XRN1: variants seen among roughly 807,000 people sequenced by gnomAD.
XRN1 encodes the protein 5'-3' exoribonuclease 1.
XRN1 carries 67 observed loss-of-function variants against 222.3 expected under a neutral mutation model. The ratio of observed to expected loss-of-function variants is 0.30; its 90% CI spans 0.25 to 0.37. The LOEUF is 0.37. Ranked by LOEUF, XRN1 falls within the 10% of genes least tolerant of loss-of-function variation. The pLI is 1.00. For missense variants in XRN1, 1,707 were observed against 2,000.2 expected (o/e 0.85, Z 2.80); for synonymous variants, 643 against 652.4 (o/e 0.99, Z 0.22).
At chr3:142,377,170 A>G (rs1028701193) in intron 23 of XRN1, among the ~76,000 whole-genome samples, 5 of 152,022 alleles carry the variant, frequency 3.3e-5, no homozygotes, top group African/African-American at 1.2e-4. Flanking sequence ...ACAGTCAATG[A>G]AATGTAACCT....
At chr3:142,319,786 TCA>T (rs568758953) in intron 37 of XRN1, among the ~76,000 whole-genome samples, 71 of 152,296 alleles carry the variant, frequency 4.7e-4, no homozygotes, top group Admixed American at 2.4e-3. Context: ...CTGAATTATT[TCA>T]CTTAGGATAA....
intron 12 of XRN1, among the ~76,000 whole-genome samples, chr3:142,417,568 C>T (rs1000469134): frequency 2.0e-4 from 31 of 152,038 alleles, no homozygotes; most frequent in Non-Finnish European, 2.9e-4. Flanking sequence ...GGGGGTGAGA[C>T]GGGAGAAAGG....
intron 27 of XRN1, among the ~76,000 whole-genome samples, chr3:142,369,518 G>C (rs566957436): frequency 6.6e-6 from 1 of 151,602 alleles, no homozygotes; most frequent in Non-Finnish European, 1.5e-5. Context: ...CGAGGTGGCA[G>C]GTACCTGTAA....
chr3:142,424,292 A>G (rs777528471), intron 5 of XRN1, among the ~76,000 whole-genome samples: 15 of 151,978 alleles, frequency 9.9e-5, no homozygotes, highest in Non-Finnish European at 2.2e-4. Context: ...GATGGGGTTT[A>G]GCCATGTTGG....
intron 37 of XRN1, among the ~76,000 whole-genome samples, chr3:142,328,777 G>C (rs1185231934): frequency 9.6e-6 from 1 of 104,132 alleles, no homozygotes; most frequent in Non-Finnish European, 1.9e-5. Context: ...ATATGTTTCA[G>C]AGACAAGGTC....
chr3:142,417,274 G>A (rs1313177750), intron 12 of XRN1, 45 bp from the exon 13 acceptor site: 3 of 1,563,908 alleles, frequency 1.9e-6, no homozygotes, highest in Non-Finnish European at 2.6e-6. Context: ...CTGAAGACAG[G>A]CCCGTGTCTT....
In XRN1 at chr3:142,375,023, C is replaced by T. The variant is rs551343781; in HGVS notation, c.2978+775G>A. 1.5e-4 allele frequency among the ~76,000 whole-genome samples: 23 copies of T among 152,200 alleles called. No homozygotes were observed. In the South Asian group the frequency reaches 4.8e-3, roughly 32 times the overall value. On this transcript the variant is annotated intron_variant, in intron 25 of 40. Transcript: ENST00000392981. ...AGGATTGCAGGGATGCATTTACAAG[C>T]CAAAGAACATATAAGGCTATGAGAA...
At chr3:142,403,001 CT>C (rs1447211660) in intron 18 of XRN1, among the ~76,000 whole-genome samples, 2 of 152,122 alleles carry the variant, frequency 1.3e-5, no homozygotes, top group Non-Finnish European at 2.9e-5. Flanking sequence ...TTTGATTTCT[CT>C]TTTGTGCAAT....
chr3:142,426,798 T>C lies in XRN1; in HGVS notation c.352A>G (p.Lys118Glu). Residue 118 changes from lysine to glutamate, a missense_variant, in exon 3 of 41, where the codon AAG becomes GAG. This residue lies in a region of XRN1 where 1,234 missense variants were observed against 1,518.2 expected (regional missense o/e 0.81). Coordinates refer to ENST00000392981, the MANE Select transcript of XRN1 (RefSeq NM_001282857.2). ...GCCTCTGTAGGAAGAGTTTCTCCCTTCTCTATTGCCTTTTTAATTTTGTCT... is the reference window on the plus strand; with the variant it reads ...GCCTCTGTAGGAAGAGTTTCTCCCTCCTCTATTGCCTTTTTAATTTTGTCT... The part of the protein sequence containing the change: ...AEDKIKKAIE[K>E]GETLPTEARF... The C allele has an allele frequency of 6.2e-7, 1 of 1,613,846 alleles. No homozygotes were observed. The highest frequency in any genetic ancestry group is 8.5e-7 in the Non-Finnish European group (1 of 1,179,956).
Position 142,417,230 on chromosome 3 carries a change from C to G in XRN1, c.1347-1G>C, listed in dbSNP as rs1163845820. The G allele has an allele frequency of 6.2e-7, 1 of 1,612,424 alleles. No homozygotes were observed. The highest frequency in any genetic ancestry group is 8.5e-7 in the Non-Finnish European group (1 of 1,179,198). ...TGCAGCTTGATCAGCCAGAAAGTCA[C>G]TGAAAATAGAATATTTTCATTATAA... On this transcript the variant is annotated splice_acceptor_variant, in intron 12 of 40. Transcript: ENST00000392981. LOFTEE classifies it high-confidence loss of function.
At chr3:142,423,735 AGAAT>A in intron 5 of XRN1, 93 bp from the exon 6 acceptor site, 1 of 927,628 alleles carries the variant, frequency 1.1e-6, no homozygotes, top group Non-Finnish European at 1.5e-6. Context: ...TATACAAGGA[AGAAT>A]AAGAAACAAT....
At chr3:142,313,400 T>C (rs1038205909) in intron 39 of XRN1, among the ~76,000 whole-genome samples, 1 of 152,178 alleles carries the variant, frequency 6.6e-6, no homozygotes, top group Non-Finnish European at 1.5e-5. Context: ...TCAGACCTAG[T>C]AAGCCAGACT....
chr3:142,342,604 G>A (rs73238148), intron 33 of XRN1, among the ~76,000 whole-genome samples: 19,872 of 151,920 alleles, frequency 0.13, 1,322 homozygotes, highest in African/African-American at 0.14. Context: ...CACACAGACC[G>A]GTGGAACAGA....
At chr3:142,431,912 A>AC (rs1491093935) in intron 2 of XRN1, among the ~76,000 whole-genome samples, 1 of 41,406 alleles carries the variant, frequency 2.4e-5, no homozygotes, top group African/African-American at 1.2e-4. Context: ...TTATATATAT[A>AC]AATATATATA....
intron 1 of XRN1, among the ~76,000 whole-genome samples, chr3:142,437,557 T>C (rs192496472): frequency 8.5e-5 from 13 of 152,258 alleles, no homozygotes; most frequent in African/African-American, 3.1e-4. Context: ...CAATCCTATA[T>C]TCTTTCCTCT....
At chr3:142,367,454 T>C (rs2066852994) in intron 27 of XRN1, among the ~76,000 whole-genome samples, 1 of 152,028 alleles carries the variant, frequency 6.6e-6, no homozygotes, top group Non-Finnish European at 1.5e-5. Context: ...ATTTTAACAA[T>C]GAGGAAATAG....
rs1326128209 is a variant in XRN1 at position 142,327,530 on chromosome 3, T to TA, written c.4404+1903dup. ...AGGTTTGTTGATTTTGCTTATCTTT[T>TA]AAAAAAAAAAAACAACTTTTTCTTT... is the stretch of plus-strand genomic sequence containing the variant. On this transcript the variant is annotated intron_variant, in intron 37 of 40. Coordinates refer to ENST00000392981, the MANE Select transcript of XRN1 (RefSeq NM_001282857.2). 3.0e-3 allele frequency among the ~76,000 whole-genome samples: 433 copies of TA among 145,454 alleles called. 1 individual carries two copies. The highest frequency in any genetic ancestry group is 7.7e-3 in the African/African-American group (309 of 39,984).
At chr3:142,362,379 G>A (rs560606970) in intron 29 of XRN1, among the ~76,000 whole-genome samples, 6 of 151,964 alleles carry the variant, frequency 3.9e-5, no homozygotes, top group South Asian at 2.1e-4. Context: ...CTTGTGAGCC[G>A]CCCGCCTTGG....
intron 23 of XRN1, 102 bp downstream of exon 23, chr3:142,379,980 A>C (rs1214241449): frequency 4.6e-6 from 4 of 868,626 alleles, no homozygotes; most frequent in Non-Finnish European, 7.0e-6. Flanking sequence ...AATCATTATT[A>C]AATAAAATAT....
Sources: allele counts gnomAD v4.1 joint callset (sites outside exome capture counted in the v4.1 genomes callset), GRCh38; gene constraint gnomAD v4.1.1; regional missense constraint gnomAD v4.1.1; transcripts MANE v1.5; gene names NCBI Gene and HGNC (gene_info 2026-07-23, HGNC 2026-07-21).